NLGN1: variants seen among roughly 807,000 people sequenced by gnomAD.
The protein encoded by NLGN1 is neuroligin-1.
In NLGN1, 12 loss-of-function variants were observed where a neutral mutation model predicts 65.5. The observed-to-expected ratio is 0.18, with a 90% CI of 0.12 to 0.30. The LOEUF is 0.30. NLGN1 is among the 10% of genes least tolerant of loss of function. The pLI, the probability that NLGN1 is intolerant of heterozygous loss-of-function variation, is 1.00. For missense variants in NLGN1, 750 were observed against 1,007.1 expected, an observed-to-expected ratio of 0.74 and a Z score of 3.46; for synonymous variants, 350 against 359.5, an observed-to-expected ratio of 0.97 and a Z score of 0.30.
chr3:173,669,663 T>C (rs1164209949), intron 3 of NLGN1, among the ~76,000 whole-genome samples: 2 of 152,258 alleles, frequency 1.3e-5, no homozygotes, highest in Non-Finnish European at 2.9e-5. Flanking sequence ...AAGACTTCAA[T>C]AGGTGAATTT....
At chr3:174,194,401 G>A (rs1424733099) in intron 4 of NLGN1, among the ~76,000 whole-genome samples, 2 of 151,016 alleles carry the variant, frequency 1.3e-5, no homozygotes, top group Admixed American at 6.6e-5. Flanking sequence ...GTGAGCTGAG[G>A]TCGCACCACT....
At chr3:174,006,436 C>G (rs538523111) in intron 4 of NLGN1, among the ~76,000 whole-genome samples, 2 of 152,100 alleles carry the variant, frequency 1.3e-5, no homozygotes, top group Non-Finnish European at 1.5e-5. Flanking sequence ...TCTTTTTAAC[C>G]GGGTCACCTG....
intron 4 of NLGN1, among the ~76,000 whole-genome samples, chr3:174,240,681 G>A (rs2152830099): frequency 6.6e-6 from 1 of 152,250 alleles, no homozygotes; most frequent in African/African-American, 2.4e-5. Context: ...CATGACCCAT[G>A]GATATTACAC....
chr3:173,543,099 G>A (rs1387811760), intron 2 of NLGN1, among the ~76,000 whole-genome samples: 1 of 152,088 alleles, frequency 6.6e-6, no homozygotes, highest in South Asian at 2.1e-4. Context: ...ATGAGGATAT[G>A]ATGTAGCTTA....
At chr3:173,728,395 A>G (rs1772191430) in intron 3 of NLGN1, among the ~76,000 whole-genome samples, 1 of 152,088 alleles carries the variant, frequency 6.6e-6, no homozygotes, top group South Asian at 2.1e-4. Flanking sequence ...TGGGAGGACA[A>G]TATATAACAG....
chr3:173,637,001 A>G (rs1029757609), intron 3 of NLGN1, among the ~76,000 whole-genome samples: 1 of 152,164 alleles, frequency 6.6e-6, no homozygotes, highest in African/African-American at 2.4e-5. Context: ...CAAAGTGCAA[A>G]GAGAAATAAG....
At chr3:173,493,258 T>A (rs2149022186) in intron 2 of NLGN1, among the ~76,000 whole-genome samples, 1 of 151,948 alleles carries the variant, frequency 6.6e-6, no homozygotes, top group South Asian at 2.1e-4. Context: ...GGCGTGTTTA[T>A]GAGATATGAA....
chr3:173,944,124 G>GGGGTGTGTGT (rs1553897256), intron 4 of NLGN1, among the ~76,000 whole-genome samples: 2 of 139,512 alleles, frequency 1.4e-5, no homozygotes, highest in African/African-American at 5.5e-5. Flanking sequence ...TAATATTATG[G>GGGGTGTGTGT]GTGTGTGTGT....
chr3:173,850,737 T>C (rs1415675729), intron 4 of NLGN1, among the ~76,000 whole-genome samples: 1 of 152,062 alleles, frequency 6.6e-6, no homozygotes, highest in Non-Finnish European at 1.5e-5. Context: ...TTTTGTTTTG[T>C]TGTTGTTTTT....
intron 2 of NLGN1, among the ~76,000 whole-genome samples, chr3:173,436,924 A>G (rs1402476142): frequency 6.6e-6 from 1 of 152,238 alleles, no homozygotes; most frequent in African/African-American, 2.4e-5. Flanking sequence ...CCCTTAGGCC[A>G]GTCATAACCT....
intron 3 of NLGN1, chr3:173,685,903 A>T (rs1764615879): frequency 1.4e-6 from 1 of 715,602 alleles, no homozygotes. Context: ...CACTTGATTG[A>T]GAAGATTAAA....
At chr3:173,742,603 G>A (rs1246635168) in intron 3 of NLGN1, among the ~76,000 whole-genome samples, 1 of 151,976 alleles carries the variant, frequency 6.6e-6, no homozygotes, top group Non-Finnish European at 1.5e-5. Context: ...TATATTCTAA[G>A]CCTTTATATT....
intron 4 of NLGN1, among the ~76,000 whole-genome samples, chr3:173,906,075 AAG>A (rs1260805098): frequency 6.6e-6 from 1 of 152,214 alleles, no homozygotes; most frequent in Non-Finnish European, 1.5e-5. Context: ...TTCAAGGGGA[AAG>A]AGAACCACTA....
At chr3:173,786,468 T>C (rs1781976868) in intron 3 of NLGN1, among the ~76,000 whole-genome samples, 1 of 152,172 alleles carries the variant, frequency 6.6e-6, no homozygotes, top group African/African-American at 2.4e-5. Flanking sequence ...CAAAATAGTA[T>C]TGAAAATCAT....
At chr3:173,467,012 A>G (rs1302224552) in intron 2 of NLGN1, among the ~76,000 whole-genome samples, 4 of 152,184 alleles carry the variant, frequency 2.6e-5, no homozygotes, top group Admixed American at 1.3e-4. Flanking sequence ...TGATCATTAT[A>G]TAACATTTGA....
In NLGN1 at chr3:173,477,804, C is replaced by T. The variant is rs148307716; in HGVS notation, c.-321+42726C>T. On this transcript the variant is annotated intron_variant, in intron 2 of 6. Coordinates refer to ENST00000457714, the Ensembl canonical transcript of NLGN1. ...GAGAAGTGTCTGTTCATGTCCTTTGCCCACTTTTGAATGGGGTTGTTTTTT... is the reference window on the plus strand; with the variant it reads ...GAGAAGTGTCTGTTCATGTCCTTTGTCCACTTTTGAATGGGGTTGTTTTTT... Among the ~76,000 whole-genome samples the T allele has an allele frequency of 3.9e-3, 590 of 152,166 alleles. 15 individuals are homozygous for T. In the South Asian group the frequency reaches 0.059, roughly 15 times the overall value.
chr3:173,512,742 T>G (rs1026619664), intron 2 of NLGN1, among the ~76,000 whole-genome samples: 5 of 152,204 alleles, frequency 3.3e-5, no homozygotes, highest in African/African-American at 1.2e-4. Context: ...AACCCCTGTC[T>G]GCCTAGAGTT....
intron 2 of NLGN1, among the ~76,000 whole-genome samples, chr3:173,462,493 G>A (rs149637779): frequency 3.3e-5 from 5 of 152,004 alleles, no homozygotes; most frequent in Admixed American, 3.3e-4. Flanking sequence ...TGGACTTAAG[G>A]CTCTCTCTCT....
chr3:173,643,366 A>G lies in NLGN1; in HGVS notation c.493+38275A>G, dbSNP rs558941023. Among the ~76,000 whole-genome samples the G allele has an allele frequency of 4.6e-5, 7 of 152,318 alleles. No individual in the cohort carries two copies. In the Middle Eastern group the frequency reaches 0.01, roughly 222 times the overall value. On this transcript the variant is annotated intron_variant, in intron 3 of 6. Transcript: ENST00000457714. ...CACAAGAAACACAAAATAAATGACA[A>G]CATGCACATCATAATGAAATTGCTT... is the stretch of plus-strand genomic sequence containing the variant.
Sources: allele counts gnomAD v4.1 joint callset (sites outside exome capture counted in the v4.1 genomes callset), GRCh38; gene constraint gnomAD v4.1.1; transcripts MANE v1.5; gene names NCBI Gene and HGNC (gene_info 2026-07-23, HGNC 2026-07-21).